RGS12: variants seen among roughly 807,000 people sequenced by gnomAD.
RGS12 encodes the protein regulator of G protein signaling 12.
Under a neutral mutation model 120.1 loss-of-function variants are expected in RGS12, and 66 were observed. That is an observed-to-expected ratio of 0.55 (90% CI 0.45 to 0.67). The LOEUF is 0.67. Ranked by LOEUF, RGS12 falls within the 30% of genes least tolerant of loss-of-function variation. The pLI, the probability that RGS12 is intolerant of heterozygous loss-of-function variation, is 0.00. For missense variants in RGS12, 1,859 were observed against 1,957.7 expected (o/e 0.95, Z 0.95); for synonymous variants, 827 against 804.7 (o/e 1.03, Z -0.47).
At chr4:3,430,268 C>T (rs914584034) in intron 16 of RGS12, 139 bp from the exon 17 acceptor site, 22 of 742,876 alleles carry the variant, frequency 3.0e-5, no homozygotes, top group South Asian at 9.0e-5. Flanking sequence ...ATAGTGTGGA[C>T]GGAAAAGGGC....
chr4:3,304,008 T>A (rs1463919586), intron 1 of RGS12, among the ~76,000 whole-genome samples: 2 of 152,236 alleles, frequency 1.3e-5, no homozygotes. Context: ...ACTGAGTCGC[T>A]GTGCTGCTGC....
rs867050772 is a variant in RGS12 at position 3,395,716 on chromosome 4, T to C, written c.2020+9279T>C. Among the ~76,000 whole-genome samples the C allele has an allele frequency of 2.0e-5, 3 of 152,312 alleles. No homozygotes were observed. The Middle Eastern group carries it at 0.01, about 518-fold the overall frequency. ...TATATTTTTGGCCCTTTGAATATCTTATTTTGTGAAGTGCTTGTTCAAGAC... is the reference window on the plus strand; with the variant it reads ...TATATTTTTGGCCCTTTGAATATCTCATTTTGTGAAGTGCTTGTTCAAGAC... On this transcript the variant is annotated intron_variant, in intron 4 of 17. Coordinates refer to ENST00000336727, the MANE Select transcript of RGS12 (RefSeq NM_001394154.1).
intron 2 of RGS12, among the ~76,000 whole-genome samples, chr4:3,339,416 C>T (rs959336171): frequency 2.0e-5 from 3 of 152,060 alleles, no homozygotes; most frequent in Admixed American, 1.3e-4. Flanking sequence ...TGGGAGGTCG[C>T]GGCTGCTGTG....
At chr4:3,357,237 G>A (rs1714980154) in intron 3 of RGS12, among the ~76,000 whole-genome samples, 1 of 151,940 alleles carries the variant, frequency 6.6e-6, no homozygotes, top group Non-Finnish European at 1.5e-5. Context: ...GTTTGTTTTT[G>A]TTGTTGAGTT....
intron 16 of RGS12, among the ~76,000 whole-genome samples, chr4:3,429,424 G>C (rs1219844191): frequency 6.6e-6 from 1 of 152,228 alleles, no homozygotes; most frequent in Non-Finnish European, 1.5e-5. Context: ...TGTGGAGTCT[G>C]ACCTCACGGT....
intron 15 of RGS12, 63 bp downstream of exon 15, chr4:3,428,232 G>T (rs781353713): frequency 7.1e-7 from 1 of 1,416,954 alleles, no homozygotes. Context: ...CGCCTGCCCT[G>T]CGCAGTGCCC....
rs768337709 is a variant in RGS12, at chr4:3,317,380, G to A, written c.1210G>A (p.Ala404Thr). The A allele has an allele frequency of 3.7e-6, 6 of 1,613,934 alleles. No homozygotes were observed. Among genetic ancestry groups the A allele is most frequent in the South Asian group, 3.3e-5 (3 of 91,078 alleles). Residue 404 changes from alanine to threonine, a missense_variant, in exon 2 of 18, where the codon GCC (alanine) becomes ACC (threonine). By Grantham distance (58) the Ala-to-Thr change is moderately conservative. This residue lies in a region of RGS12 where 967 missense variants were observed against 994.2 expected (regional missense o/e 0.97). Coordinates refer to ENST00000336727, the MANE Select transcript of RGS12 (RefSeq NM_001394154.1). ...GCTGATTGAGGGCATGCGGGCCCGC[G>A]CCTTTCTGGACGGGGACGCCGATGC... ...GELIEGMRAR[A>T]FLDGDADAHQ...
chr4:3,362,301 C>G (rs1655644329), intron 3 of RGS12, among the ~76,000 whole-genome samples: 1 of 152,134 alleles, frequency 6.6e-6, no homozygotes, highest in Non-Finnish European at 1.5e-5. Flanking sequence ...TTTCCCTTAG[C>G]TGTCCTGACC....
At chr4:3,408,291 C>T (rs767555414) in intron 4 of RGS12, among the ~76,000 whole-genome samples, 4 of 152,170 alleles carry the variant, frequency 2.6e-5, no homozygotes, top group African/African-American at 7.2e-5. Flanking sequence ...CTATTTTCCA[C>T]GTGACGAGAA....
Position 3,296,600 on chromosome 4 carries a change from G to A in RGS12, c.-102+3501G>A, listed in dbSNP as rs113435809. Among the ~76,000 whole-genome samples, 1,291 of 152,302 alleles carry A rather than the reference G, an allele frequency of 8.5e-3. 22 individuals carry two copies. Among genetic ancestry groups the A allele is most frequent in the African/African-American group, 0.03 (1,226 of 41,546 alleles). Reference sequence around the variant, plus strand: ...TGCCGTATGGCTTTCACAGTCCCAGGGATTAGGGCCTGGATATCTTTGGGG... The same window carrying A: ...TGCCGTATGGCTTTCACAGTCCCAGAGATTAGGGCCTGGATATCTTTGGGG... On this transcript the variant is annotated intron_variant, in intron 1 of 17. Transcript: ENST00000336727.
At chr4:3,401,685 G>C (rs1720603288) in intron 4 of RGS12, among the ~76,000 whole-genome samples, 1 of 152,236 alleles carries the variant, frequency 6.6e-6, no homozygotes, top group Non-Finnish European at 1.5e-5. Context: ...CCGTGAACCG[G>C]CACACTGTGG....
At chr4:3,424,525 C>T (rs558655320) in intron 13 of RGS12, among the ~76,000 whole-genome samples, 17 of 152,188 alleles carry the variant, frequency 1.1e-4, no homozygotes, top group Non-Finnish European at 2.4e-4. Context: ...GGAGACGCTG[C>T]GCAATTGTTT....
chr4:3,438,442 C>T (rs917593347), intron 17 of RGS12, among the ~76,000 whole-genome samples: 3 of 142,676 alleles, frequency 2.1e-5, no homozygotes, highest in African/African-American at 7.6e-5. Context: ...GGTCAGTGGG[C>T]GGGAAGGGCT....
At chr4:3,309,554 C>T (rs1724204431) in intron 1 of RGS12, among the ~76,000 whole-genome samples, 3 of 133,080 alleles carry the variant, frequency 2.3e-5, no homozygotes, top group South Asian at 2.6e-4. Context: ...GGAGCTGGGG[C>T]CTGGGAATGG....
intron 3 of RGS12, among the ~76,000 whole-genome samples, chr4:3,371,116 C>T (rs984981911): frequency 2.6e-5 from 4 of 152,186 alleles, no homozygotes; most frequent in Admixed American, 6.5e-5. Context: ...AAATGAGCCG[C>T]GTCCTTCCTT....
intron 1 of RGS12, among the ~76,000 whole-genome samples, chr4:3,303,670 AC>A (rs1723810121): frequency 6.6e-6 from 1 of 152,264 alleles, no homozygotes; most frequent in South Asian, 2.1e-4. Context: ...CGCCCCACAG[AC>A]CTGCCCCTGA....
chr4:3,346,716 G>A (rs1342042263), intron 3 of RGS12, among the ~76,000 whole-genome samples: 2 of 152,168 alleles, frequency 1.3e-5, no homozygotes, highest in African/African-American at 4.8e-5. Flanking sequence ...AAACATGGCT[G>A]CTTCTCTCTA....
At chr4:3,288,560 G>T (rs1430282735), upstream of RGS12, among the ~76,000 whole-genome samples, 1 of 152,178 alleles carries the variant, frequency 6.6e-6, no homozygotes, top group Admixed American at 6.5e-5. This position sits in a 1 kb window ranked among gnomAD's most constrained non-coding sequence, Gnocchi z 5.2. Flanking sequence ...GGACAGATGG[G>T]GTTTGGGTTC....
At chr4:3,300,868 C>A (rs1399950035) in intron 1 of RGS12, among the ~76,000 whole-genome samples, 3 of 152,226 alleles carry the variant, frequency 2.0e-5, no homozygotes, top group Non-Finnish European at 4.4e-5. Context: ...TTAACATAAT[C>A]CTTTTCCAAA....
Sources: allele counts gnomAD v4.1 joint callset (sites outside exome capture counted in the v4.1 genomes callset), GRCh38; gene constraint gnomAD v4.1.1; regional missense constraint gnomAD v4.1.1; non-coding constraint Gnocchi (gnomAD v3.1); transcripts MANE v1.5; gene names NCBI Gene and HGNC (gene_info 2026-07-23, HGNC 2026-07-21).